CFAP299: variants seen among roughly 807,000 people sequenced by gnomAD.
CFAP299 encodes the protein cilia- and flagella-associated protein 299.
Under a neutral mutation model 27.0 loss-of-function variants are expected in CFAP299, and 21 were observed. The observed-to-expected ratio is 0.78, with a 90% CI of 0.55 to 1.12. The LOEUF (loss-of-function observed/expected upper bound fraction) is 1.12. Ranked by LOEUF, CFAP299 falls within the 50% of genes most tolerant of loss-of-function variation. CFAP299 has a pLI of 0.00. For synonymous variants in CFAP299, 104 were observed against 98.1 expected (o/e 1.06, Z -0.36); for missense variants, 310 against 276.6 (o/e 1.12, Z -0.86).
intron 2 of CFAP299, chr4:80,420,412 T>A (rs973383598): frequency 2.6e-5 from 7 of 269,574 alleles, no homozygotes; most frequent in Non-Finnish European, 4.6e-5. Flanking sequence ...TGAGATATTT[T>A]TATTTTTTTC....
intron 3 of CFAP299, among the ~76,000 whole-genome samples, chr4:80,697,410 T>C (rs1028194900): frequency 3.9e-5 from 6 of 152,218 alleles, no homozygotes; most frequent in Admixed American, 3.9e-4. Context: ...TCTAAATCCC[T>C]GCTACTCTTA....
intron 3 of CFAP299, among the ~76,000 whole-genome samples, chr4:80,696,605 A>G (rs1721110132): frequency 6.6e-6 from 1 of 152,210 alleles, no homozygotes; most frequent in Non-Finnish European, 1.5e-5. Flanking sequence ...ATAAACACAT[A>G]AGTTTTTTAA....
chr4:80,542,137 C>T (rs146644152), intron 2 of CFAP299, among the ~76,000 whole-genome samples: 30 of 152,264 alleles, frequency 2.0e-4, no homozygotes, highest in African/African-American at 6.7e-4. Flanking sequence ...AGCCTTTGGA[C>T]TCTGGGACTT....
chr4:80,388,021 G>A, intron 2 of CFAP299: 1 of 702,668 alleles, frequency 1.4e-6, no homozygotes, highest in Non-Finnish European at 2.6e-6. Flanking sequence ...CCAGGGGTGG[G>A]TAGGGCTGCA....
chr4:80,490,633 A>C (rs1416417942), intron 2 of CFAP299, among the ~76,000 whole-genome samples: 1 of 152,248 alleles, frequency 6.6e-6, no homozygotes, highest in East Asian at 1.9e-4. Context: ...ATTCTTACAG[A>C]AATAGTATAA....
intron 4 of CFAP299, among the ~76,000 whole-genome samples, chr4:80,924,590 A>G (rs1207563562): frequency 2.0e-5 from 3 of 148,652 alleles, no homozygotes; most frequent in Non-Finnish European, 4.5e-5. Flanking sequence ...TAGAAGTGGA[A>G]TTGCTCAATC....
At chr4:80,879,023 C>T (rs936428565) in intron 4 of CFAP299, among the ~76,000 whole-genome samples, 34 of 152,078 alleles carry the variant, frequency 2.2e-4, no homozygotes, top group African/African-American at 8.0e-4. Flanking sequence ...CCTATCTCAT[C>T]TCTTATGATG....
In CFAP299 at chr4:80,908,195, C is replaced by T. The variant is rs147592035; in HGVS notation, c.477-36615C>T. Among the ~76,000 whole-genome samples the T allele has an allele frequency of 2.9e-3, 437 of 152,236 alleles. 1 individual carries two copies. The highest frequency in any genetic ancestry group is 9.5e-3 in the African/African-American group (396 of 41,544). On this transcript the variant is annotated intron_variant, in intron 4 of 5. Transcript: ENST00000358105. ...GTCCAAAACATTTAGTAAGTTAGAG[C>T]GTGTGTAATGCACTGTGGTGTTGGA...
At chr4:80,431,200 GT>G (rs983919999) in intron 2 of CFAP299, among the ~76,000 whole-genome samples, 6 of 152,168 alleles carry the variant, frequency 3.9e-5, no homozygotes, top group African/African-American at 1.4e-4. Flanking sequence ...TGGGCAGGAT[GT>G]TTTATCTGTT....
rs1426824367 is a variant in CFAP299 at position 80,787,192 on chromosome 4, C to T, written c.334-82801C>T. On this transcript the variant is annotated intron_variant, in intron 3 of 5. Transcript: ENST00000358105. ...ATAATGTCTTATCTCCTGGGCTGGG[C>T]ATGGAATATATATATATAATATTTT... 3.4e-5 allele frequency among the ~76,000 whole-genome samples: 5 copies of T among 147,848 alleles called. No homozygotes were observed. In the East Asian group the frequency reaches 9.8e-4, roughly 29 times the overall value.
At chr4:80,758,675 G>T (rs1725389312) in intron 3 of CFAP299, among the ~76,000 whole-genome samples, 1 of 152,132 alleles carries the variant, frequency 6.6e-6, no homozygotes, top group South Asian at 2.1e-4. Flanking sequence ...AATAAGGAAT[G>T]TCTAAATGGC....
chr4:80,339,618 A>T (rs1272891098), intron 1 of CFAP299, among the ~76,000 whole-genome samples: 4 of 152,226 alleles, frequency 2.6e-5, no homozygotes, highest in Non-Finnish European at 5.9e-5. Flanking sequence ...GCATCAAAAG[A>T]AATGCATCAC....
intron 1 of CFAP299, among the ~76,000 whole-genome samples, chr4:80,347,887 T>C (rs1479879866): frequency 6.6e-6 from 1 of 152,158 alleles, no homozygotes; most frequent in Non-Finnish European, 1.5e-5. Flanking sequence ...ACTATAAGGC[T>C]ACAGTAACCA....
chr4:80,507,877 C>T (rs1396020531), intron 2 of CFAP299, among the ~76,000 whole-genome samples: 1 of 152,082 alleles, frequency 6.6e-6, no homozygotes, highest in African/African-American at 2.4e-5. Context: ...ATAACTGATT[C>T]CTATGTAAAG....
intron 2 of CFAP299, among the ~76,000 whole-genome samples, chr4:80,518,461 C>T (rs1732698901): frequency 6.6e-6 from 1 of 152,082 alleles, no homozygotes. Context: ...CTTGCGAGTT[C>T]CGTACAGGAG....
At chr4:80,790,305 A>T (rs940748958) in intron 3 of CFAP299, 2 of 152,080 alleles carry the variant, frequency 1.3e-5, no homozygotes, top group Non-Finnish European at 2.9e-5. Flanking sequence ...GATAACACAT[A>T]GAAATTTCAC....
chr4:80,778,471 G>A (rs982246416), intron 3 of CFAP299, among the ~76,000 whole-genome samples: 5 of 152,068 alleles, frequency 3.3e-5, no homozygotes, highest in African/African-American at 1.2e-4. Context: ...TGGAATTTTA[G>A]AATCTTTCCT....
At chr4:80,328,680 A>G in the CFAP299 span, among the ~76,000 whole-genome samples, 1 of 152,214 alleles carries the variant, frequency 6.6e-6, no homozygotes, top group Admixed American at 6.5e-5. Flanking sequence ...GAATTAGTTT[A>G]GTAAAATCCT....
intron 1 of CFAP299, among the ~76,000 whole-genome samples, chr4:80,344,905 A>C (rs1177346782): frequency 6.6e-6 from 1 of 152,214 alleles, no homozygotes; most frequent in Non-Finnish European, 1.5e-5. Context: ...TGATTATCTC[A>C]ATAGATGCAG....
Sources: gnomAD v4.1 joint callset for allele counts (sites outside exome capture counted in the v4.1 genomes callset) on GRCh38, gnomAD v4.1.1 for gene constraint, MANE v1.5 for transcripts, NCBI Gene and HGNC (gene_info 2026-07-23, HGNC 2026-07-21) for gene names.